Variants in PRDM16 observed in about 807,000 individuals in gnomAD.
PRDM16 encodes the protein PR/SET domain 16.
PRDM16 carries 23 observed loss-of-function variants against 110.6 expected under a neutral mutation model. The ratio of observed to expected loss-of-function variants is 0.21; its 90% CI spans 0.15 to 0.29. PRDM16 has a LOEUF of 0.29. Among genes scored for constraint, PRDM16 ranks in the 10% least tolerant of loss-of-function variants. The probability of loss-of-function intolerance (pLI) is 1.00; values close to 1 mark genes in which losing one functional copy is unlikely to be tolerated. For synonymous variants in PRDM16, 799 were observed against 781.8 expected (o/e 1.02, Z -0.37); for missense variants, 1,615 against 1,794.3 (o/e 0.90, Z 1.81).
Position 3,370,841 on chromosome 1 carries a change from C to T in PRDM16, c.439-14311C>T, listed in dbSNP as rs1486273209. Among the ~76,000 whole-genome samples, 5 of 152,052 alleles carry T rather than the reference C, an allele frequency of 3.3e-5. No homozygotes were observed. Among genetic ancestry groups the T allele is most frequent in the Non-Finnish European group, 5.9e-5 (4 of 67,996 alleles). ...TCCATCCACCATCTATTCATCCATC[C>T]GTCCACCCACCCATCCATCCATTAA... On this transcript the variant is annotated intron_variant, in intron 3 of 16. Transcript: ENST00000270722. This position sits in a 1 kb window ranked among gnomAD's most constrained non-coding sequence, Gnocchi z 4.8.
chr1:3,121,097 G>C (rs1280064905), intron 1 of PRDM16, among the ~76,000 whole-genome samples: 2 of 151,940 alleles, frequency 1.3e-5, no homozygotes, highest in Non-Finnish European at 2.9e-5. Context: ...GGCCCGGCTT[G>C]GAGGCAGGGC....
Position 3,412,420 on chromosome 1 carries a change from G to A in PRDM16, c.2223G>A (p.Thr741=), listed in dbSNP as rs756779855. The change falls in exon 9 of 17, where the codon ACG becomes ACA. Residue 741 remains threonine, a synonymous_variant. Transcript: ENST00000270722. ...TCCCCCACTCCCTTTACCCCTTCAC[G>A]GACCGAGCCCTCGCCCACAACTTGC... ...PNFPHSLYPF[T]DRALAHNLLV... The A allele has an allele frequency of 5.8e-5, 93 of 1,612,270 alleles. No homozygotes were observed. The highest frequency in any genetic ancestry group is 3.3e-5 in the South Asian group (3 of 91,060).
At chr1:3,197,900 G>A (rs1172690564) in intron 2 of PRDM16, among the ~76,000 whole-genome samples, 1 of 152,178 alleles carries the variant, frequency 6.6e-6, no homozygotes, top group East Asian at 1.9e-4. Flanking sequence ...AGGGGGCAGT[G>A]GCAGGTCCCA....
At chr1:3,071,296 A>G (rs770704592) in intron 1 of PRDM16, among the ~76,000 whole-genome samples, 11 of 152,356 alleles carry the variant, frequency 7.2e-5, no homozygotes, top group South Asian at 2.1e-4. Context: ...GTGGCCCGGG[A>G]CCGGGTCCGC....
At position 3,209,271 on chromosome 1, in the gene PRDM16, A is replaced by G. The variant is rs902084152; in HGVS notation, c.387+22797A>G. ...GACAGGAAATAAATCTCAGAGTGGG[A>G]TTTACTAAGCACGGTCACGCTGAAC... On this transcript the variant is annotated intron_variant, in intron 2 of 16. Coordinates refer to ENST00000270722, the MANE Select transcript of PRDM16 (RefSeq NM_022114.4). This position sits in a 1 kb window ranked among gnomAD's most constrained non-coding sequence, Gnocchi z 4.6. Among the ~76,000 whole-genome samples the G allele has an allele frequency of 5.3e-5, 8 of 152,220 alleles. No individual in the cohort carries two copies. Among genetic ancestry groups the G allele is most frequent in the African/African-American group, 1.7e-4 (7 of 41,456 alleles).
intron 3 of PRDM16, among the ~76,000 whole-genome samples, chr1:3,293,298 C>G (rs1050539897): frequency 2.0e-5 from 3 of 152,334 alleles, no homozygotes; most frequent in East Asian, 3.9e-4. Flanking sequence ...TGAGAAGCAG[C>G]GAGACCCTGT....
chr1:3,324,373 A>G (rs941023069), intron 3 of PRDM16, among the ~76,000 whole-genome samples: 1 of 152,052 alleles, frequency 6.6e-6, no homozygotes, highest in African/African-American at 2.4e-5. Context: ...CAGGCCCTCA[A>G]AAGACTTCCT....
At chr1:3,415,501 C>T (rs1032703894) in intron 10 of PRDM16, among the ~76,000 whole-genome samples, 8 of 152,268 alleles carry the variant, frequency 5.3e-5, no homozygotes, top group South Asian at 2.1e-4. Context: ...CTAAACTTAG[C>T]GCCTCCCATT....
At chr1:3,261,522 C>T (rs1445496664) in intron 3 of PRDM16, among the ~76,000 whole-genome samples, 4 of 152,172 alleles carry the variant, frequency 2.6e-5, no homozygotes, top group African/African-American at 4.8e-5. Context: ...TCTATTTACA[C>T]AGTGGCGAGA....
intron 1 of PRDM16, among the ~76,000 whole-genome samples, chr1:3,181,655 C>A (rs796376079): frequency 0.055 from 7,433 of 134,698 alleles, 527 homozygotes; most frequent in East Asian, 0.21. Flanking sequence ...GTCTTACACA[C>A]GGTCTTACAC....
chr1:3,104,137 C>T (rs1417503955), intron 1 of PRDM16, among the ~76,000 whole-genome samples: 6 of 152,198 alleles, frequency 3.9e-5, no homozygotes, highest in Non-Finnish European at 7.3e-5. Context: ...AGACAGGGTC[C>T]CCCGAGGTCT....
At chr1:3,160,210 G>A (rs572826194) in intron 1 of PRDM16, among the ~76,000 whole-genome samples, 6 of 152,342 alleles carry the variant, frequency 3.9e-5, no homozygotes, top group African/African-American at 9.6e-5. Context: ...CGGTGAGGCC[G>A]CGGTTCCTGC....
intron 11 of PRDM16, among the ~76,000 whole-genome samples, 164 bp downstream of exon 11, chr1:3,418,161 GTGACTTGGGTGGCCTCCCC>G (rs952064642): frequency 2.6e-5 from 4 of 152,348 alleles, no homozygotes; most frequent in Non-Finnish European, 4.4e-5. Flanking sequence ...TTGCAAATAA[GTGACTTGGGTGGCCTCCCC>G]TGCCTCACGC....
At chr1:3,167,470 C>G (rs981106453) in intron 1 of PRDM16, among the ~76,000 whole-genome samples, 1 of 152,048 alleles carries the variant, frequency 6.6e-6, no homozygotes, top group African/African-American at 2.4e-5. Flanking sequence ...CGCTCATGTG[C>G]AGCCGGGGCG....
intron 1 of PRDM16, among the ~76,000 whole-genome samples, chr1:3,152,342 A>G (rs562829269): frequency 2.2e-5 from 2 of 89,292 alleles, no homozygotes; most frequent in African/African-American, 4.3e-5. Context: ...CCATTTATCT[A>G]TGCATTCATC....
At chr1:3,199,847 A>C (rs72846889) in intron 2 of PRDM16, among the ~76,000 whole-genome samples, 1,945 of 152,240 alleles carry the variant, frequency 0.013, 39 homozygotes, top group African/African-American at 0.045. Flanking sequence ...ACCACGGTGC[A>C]CCCTGTCTCA....
At chr1:3,130,547 G>T (rs147305801) in intron 1 of PRDM16, among the ~76,000 whole-genome samples, 1,638 of 152,272 alleles carry the variant, frequency 0.011, 11 homozygotes, top group Non-Finnish European at 0.018. Flanking sequence ...AGGTTTCCTC[G>T]CTGAAACATC....
chr1:3,404,986 T>C, intron 7 of PRDM16, 100 bp downstream of exon 7: 3 of 1,354,314 alleles, frequency 2.2e-6, no homozygotes, highest in South Asian at 2.8e-5. Flanking sequence ...CAAATGTAGA[T>C]GGAGTGCGGC....
At chr1:3,336,976 T>G (rs1438782216) in intron 3 of PRDM16, among the ~76,000 whole-genome samples, 1 of 150,332 alleles carries the variant, frequency 6.7e-6, no homozygotes, top group Admixed American at 6.6e-5. Context: ...CACATATGTG[T>G]TGGTGTGAAT....
Sources: gnomAD v4.1 joint callset for allele counts (sites outside exome capture counted in the v4.1 genomes callset) on GRCh38, gnomAD v4.1.1 for gene constraint, Gnocchi (gnomAD v3.1) non-coding constraint, MANE v1.5 for transcripts, NCBI Gene and HGNC (gene_info 2026-07-23, HGNC 2026-07-21) for gene names.